TRIM31: variants seen among roughly 807,000 people sequenced by gnomAD.
The protein encoded by TRIM31 is tripartite motif containing 31.
TRIM31 carries 31 observed loss-of-function variants against 40.6 expected under a neutral mutation model. The observed-to-expected ratio is 0.76, with a 90% CI of 0.57 to 1.03. TRIM31 has a LOEUF of 1.03. Ranked by LOEUF, TRIM31 falls within the 50% of genes least tolerant of loss-of-function variation. TRIM31 has a pLI of 0.00. For missense variants in TRIM31, 455 were observed against 497.5 expected (o/e 0.91, Z 0.81); for synonymous variants, 164 against 193.9 (o/e 0.85, Z 1.28).
At chr6:30,111,414 G>C in intron 3 of TRIM31, 1 of 538,234 alleles carries the variant, frequency 1.9e-6, no homozygotes, top group East Asian at 3.1e-5. Flanking sequence ...TCTAAGACCA[G>C]CGCGGGTTTT....
intron 6 of TRIM31, among the ~76,000 whole-genome samples, chr6:30,106,062 C>A (rs1012849309): frequency 1.3e-5 from 2 of 152,222 alleles, no homozygotes; most frequent in African/African-American, 4.8e-5. Flanking sequence ...AGAGGATGAG[C>A]CCAGAAGCTG....
Position 30,110,654 on chromosome 6 carries a change from T to C in TRIM31, c.538A>G (p.Arg180Gly). 1 of 1,614,208 alleles carries C rather than the reference T, an allele frequency of 6.2e-7. No individual in the cohort carries two copies. The highest frequency in any genetic ancestry group is 8.5e-7 in the Non-Finnish European group (1 of 1,180,036). The change falls in exon 4 of 9, where the codon AGG becomes GGG. Residue 180 changes from arginine (R) to glycine (G), a missense_variant. Coordinates refer to ENST00000376734, the MANE Select transcript of TRIM31 (RefSeq NM_007028.5). ...FTDQVEHEKQ[R>G]ILTEFELLHQ... ...AGGAGTTCAAATTCTGTGAGGATCC[T>C]TTGCTTCTCATGTTCTACCTGGTCC...
At position 30,103,752 on chromosome 6, in the gene TRIM31, A is replaced by T; in HGVS notation, c.1062T>A (p.Ser354=). 1 of 1,613,040 alleles carries T rather than the reference A, an allele frequency of 6.2e-7. No homozygotes were observed. Among genetic ancestry groups the T allele is most frequent in the Non-Finnish European group, 8.5e-7 (1 of 1,180,002 alleles). The stretch of plus-strand genomic sequence containing the variant: ...GAAACAGGGAGTGGGATGGGGCTGA[A>T]GAGTGGTGATTTGGTGGCCCCGATG... The part of the protein sequence containing the change: ...RTTSGPPNHH[S]SAPSHSLFRA... Residue 354 remains serine (S), a synonymous_variant, in exon 9 of 9, where the codon TCT becomes TCA. Transcript: ENST00000376734.
At chr6:30,111,089 T>C (rs1769266915) in intron 3 of TRIM31, 1 of 199,774 alleles carries the variant, frequency 5.0e-6, no homozygotes, top group African/African-American at 2.4e-5. Flanking sequence ...TGGAGTGCAG[T>C]GCACGATCAC....
chr6:30,112,953 CAG>C, intron 1 of TRIM31, 65 bp from the exon 2 acceptor site: 5 of 630,682 alleles, frequency 7.9e-6, no homozygotes, highest in South Asian at 3.6e-5. Context: ...GTTAGAAGAG[CAG>C]AGAGAGAGGA....
Position 30,110,659 on chromosome 6 carries a change from T to G in TRIM31, c.533A>C (p.Lys178Thr). The G allele has an allele frequency of 3.7e-6, 6 of 1,614,226 alleles. No individual in the cohort carries two copies. Among genetic ancestry groups the G allele is most frequent in the Non-Finnish European group, 5.1e-6 (6 of 1,180,028 alleles). Residue 178 changes from lysine (K) to threonine (T), a missense_variant, in exon 4 of 9, where the codon AAG becomes ACG. Coordinates refer to ENST00000376734, the MANE Select transcript of TRIM31 (RefSeq NM_007028.5). The stretch of plus-strand genomic sequence containing the variant: ...TTCAAATTCTGTGAGGATCCTTTGC[T>G]TCTCATGTTCTACCTGGTCCTAAGA... ...DVFTDQVEHE[K>T]QRILTEFELL...
intron 2 of TRIM31, 92 bp from the exon 3 acceptor site, chr6:30,111,835 T>C: frequency 8.8e-7 from 1 of 1,134,406 alleles, no homozygotes; most frequent in Non-Finnish European, 1.3e-6. Context: ...GGTGACACTC[T>C]CCAGGTGAGT....
intron 6 of TRIM31, 184 bp downstream of exon 6, chr6:30,107,869 C>A: frequency 1.7e-6 from 1 of 585,474 alleles, no homozygotes; most frequent in Non-Finnish European, 3.0e-6. Flanking sequence ...ATCACAAAGA[C>A]AGAATATAAG....
chr6:30,105,274 G>A, intron 6 of TRIM31, 32 bp from the exon 7 acceptor site: 4 of 1,565,442 alleles, frequency 2.6e-6, no homozygotes, highest in Non-Finnish European at 2.6e-6. Flanking sequence ...GAAATGGTGA[G>A]AGTCCAGAGG....
rs907536945 is a variant in TRIM31, at chr6:30,103,404, C to T, written c.*132G>A. ...ATCTCCACTCTCAGTAGCCCGAGCC[C>T]TCCCATTCTCCACTCCTTCGACCCA... On this transcript the variant is annotated 3_prime_UTR_variant, in exon 9 of 9. Transcript: ENST00000376734. 7 of 1,363,666 alleles carry T rather than the reference C, an allele frequency of 5.1e-6. No homozygotes were observed. The highest frequency in any genetic ancestry group is 6.0e-6 in the Non-Finnish European group (6 of 997,680). 84.5% of individuals were successfully genotyped at this position (1,363,666 alleles called of 1,614,324 possible). A position where few individuals can be genotyped will look rare whatever the true frequency, so the allele number is the denominator to read the frequency against.
At chr6:30,103,928 T>A (rs1017568160) in intron 8 of TRIM31, 139 bp from the exon 9 acceptor site, 81 of 1,431,360 alleles carry the variant, frequency 5.7e-5, no homozygotes, top group Non-Finnish European at 7.0e-5. Context: ...CCTGAACAAG[T>A]CGGAGCGCCC....
rs138944799 is a variant in TRIM31 at position 30,106,046 on chromosome 6, G to A, written c.884-804C>T. 4.7e-3 allele frequency among the ~76,000 whole-genome samples: 709 copies of A among 152,356 alleles called. 3 individuals are homozygous for A. The highest frequency in any genetic ancestry group is 0.015 in the African/African-American group (632 of 41,594). ...ACCCCTGCCAGAAGAGACTCCTTTT[G>A]CAGGTAGAGGATGAGCCCAGAAGCT... On this transcript the variant is annotated intron_variant, in intron 6 of 8. Transcript: ENST00000376734.
chr6:30,103,963 T>C (rs781682174), intron 8 of TRIM31, 139 bp downstream of exon 8: 33 of 1,375,336 alleles, frequency 2.4e-5, no homozygotes, highest in Admixed American at 4.0e-5. Flanking sequence ...GAGGTGTAAT[T>C]TGGGGAGGAA....
rs375496746 is a variant in TRIM31 at position 30,105,202 on chromosome 6, G to A, written c.924C>T (p.Phe308=). ...TGTCATTTTTATTCATGCTTTTGAA[G>A]AATCTGTTTTCATCTTTTTTCCTAT... ...QADRKKDENR[F]FKSMNKNDMK... is the part of the protein sequence containing the mutation. Residue 308 remains phenylalanine, a synonymous_variant, in exon 7 of 9, where the codon TTC becomes TTT. Transcript: ENST00000376734. The A allele has an allele frequency of 6.2e-7, 1 of 1,612,776 alleles. No homozygotes were observed.
In TRIM31 at chr6:30,104,115, C is replaced by T; in HGVS notation, c.1011G>A (p.Gly337=). The change falls in exon 8 of 9, where the codon GGG becomes GGA. Residue 337 remains glycine (G), a synonymous_variant. Transcript: ENST00000376734. The part of the protein sequence containing the change: ...NHKMNKTSEP[G]SSSAGGRTTS... Reference sequence around the variant, plus strand: ...CAGGACTCTTACCTGCAGAAGATGACCCGGGCTCTGAGGTTTTGTTCATTT... The same window carrying T: ...CAGGACTCTTACCTGCAGAAGATGATCCGGGCTCTGAGGTTTTGTTCATTT... 1 of 1,613,038 alleles carries T rather than the reference C, an allele frequency of 6.2e-7. No homozygotes were observed. The highest frequency in any genetic ancestry group is 8.5e-7 in the Non-Finnish European group (1 of 1,180,020).
In TRIM31 at chr6:30,104,097, C is replaced by T; in HGVS notation, c.1024+5G>A. 6.2e-7 allele frequency: 1 copy of T among 1,613,004 alleles called. No homozygotes were observed. Among genetic ancestry groups the T allele is most frequent in the Non-Finnish European group, 8.5e-7 (1 of 1,180,016 alleles). On this transcript the variant is annotated splice_donor_5th_base_variant and intron_variant, in intron 8 of 8. Transcript: ENST00000376734. The stretch of plus-strand genomic sequence containing the variant: ...TCCCTTAGTATTCAGAGACAGGACT[C>T]TTACCTGCAGAAGATGACCCGGGCT...
At chr6:30,107,884 G>A (rs896635565) in intron 6 of TRIM31, 169 bp downstream of exon 6, 1 of 601,280 alleles carries the variant, frequency 1.7e-6, no homozygotes, top group Non-Finnish European at 3.0e-6. Flanking sequence ...TATAAGAAAT[G>A]CCTGGGAGGA....
intron 6 of TRIM31, 177 bp downstream of exon 6, chr6:30,107,876 T>C: frequency 1.7e-6 from 1 of 594,794 alleles, no homozygotes; most frequent in Non-Finnish European, 3.0e-6. Flanking sequence ...AGACAGAATA[T>C]AAGAAATGCC....
chr6:30,112,816 C>A lies in TRIM31; in HGVS notation c.-11G>T. On this transcript the variant is annotated 5_prime_UTR_variant, in exon 2 of 9. Transcript: ENST00000376734. ...CTGCCCACTGGCCATGACAGAACAACAGGGCTGTTTCAAGACTGTAGGAAG... is the reference window on the plus strand; with the variant it reads ...CTGCCCACTGGCCATGACAGAACAAAAGGGCTGTTTCAAGACTGTAGGAAG... The A allele has an allele frequency of 6.3e-7, 1 of 1,592,288 alleles. No homozygotes were observed. The highest frequency in any genetic ancestry group is 1.2e-5 in the South Asian group (1 of 86,714).
Sources: allele counts gnomAD v4.1 joint callset (sites outside exome capture counted in the v4.1 genomes callset), GRCh38; gene constraint gnomAD v4.1.1; transcripts MANE v1.5; gene names NCBI Gene and HGNC (gene_info 2026-07-23, HGNC 2026-07-21).